The following ZDHHC11 variants were observed in gnomAD, a reference collection of about 807,000 sequenced individuals.
ZDHHC11 encodes the protein zDHHC palmitoyltransferase 11.
Under a neutral mutation model 51.3 loss-of-function variants are expected in ZDHHC11, and 44 were observed. The observed-to-expected ratio is 0.86, with a 90% CI of 0.67 to 1.10. The LOEUF (loss-of-function observed/expected upper bound fraction) is 1.10, where lower values mean the gene tolerates loss of function less well. Among genes scored for constraint, ZDHHC11 ranks in the 50% least tolerant of loss-of-function variants. The pLI is 0.00. For synonymous variants in ZDHHC11, 163 were observed against 222.0 expected (o/e 0.73, Z 2.36); for missense variants, 400 against 537.7 (o/e 0.74, Z 2.53).
chr5:796,794 C>T (rs1237718139), intron 12 of ZDHHC11, among the ~76,000 whole-genome samples: 49 of 152,204 alleles, frequency 3.2e-4, no homozygotes, highest in Non-Finnish European at 5.4e-4. Context: ...CTGCCCTCCC[C>T]ATCCTTCCAG....
At position 842,849 on chromosome 5, in the gene ZDHHC11, G is replaced by A. The variant is rs1316581550; in HGVS notation, c.628+751C>T. On this transcript the variant is annotated intron_variant, in intron 4 of 12. Transcript: ENST00000283441. ...AGCTCCTGTGGCTCCCGGCGACCCC[G>A]GGCTGTGGCTGTGTGACTCCACCCC... Among the ~76,000 whole-genome samples, 4 of 151,836 alleles carry A rather than the reference G, an allele frequency of 2.6e-5. No homozygotes were observed. In the East Asian group the frequency reaches 5.8e-4, roughly 22 times the overall value.
At chr5:801,717 G>C (rs778091548) in intron 11 of ZDHHC11, among the ~76,000 whole-genome samples, 5 of 151,408 alleles carry the variant, frequency 3.3e-5, no homozygotes, top group Middle Eastern at 3.4e-3. Context: ...CCCAGACTTT[G>C]CAGAGGGTTG....
chr5:837,556 A>C, intron 5 of ZDHHC11, 76 bp from the exon 6 acceptor site: 1 of 1,498,110 alleles, frequency 6.7e-7, no homozygotes, highest in Non-Finnish European at 9.3e-7. Flanking sequence ...ACAGCTCAGC[A>C]GAGTGGCCAG....
intron 11 of ZDHHC11, among the ~76,000 whole-genome samples, chr5:803,967 A>G (rs201394392): frequency 0.2 from 29,837 of 148,478 alleles, 4,385 homozygotes; most frequent in African/African-American, 0.4. Flanking sequence ...AAAAAAAAAA[A>G]GATTAAGGAA....
Position 814,800 on chromosome 5 carries a change from G to A in ZDHHC11, c.1147-5C>T, listed in dbSNP as rs191757590. On this transcript the variant is annotated splice_region_variant and splice_polypyrimidine_tract_variant and intron_variant, in intron 10 of 12. Transcript: ENST00000283441. ...ACTCGGGGCATCATCTGCTTCCTGT[G>A]GGGGGAAGGGATGCAAAATTCATAG... 4.5e-6 allele frequency: 7 copies of A among 1,539,078 alleles called. No individual in the cohort carries two copies. Among genetic ancestry groups the A allele is most frequent in the Non-Finnish European group, 6.1e-6 (7 of 1,143,654 alleles).
chr5:808,833 G>A (rs1739670098), intron 11 of ZDHHC11, among the ~76,000 whole-genome samples: 1 of 147,010 alleles, frequency 6.8e-6, no homozygotes, highest in Non-Finnish European at 1.5e-5. Context: ...GAGTAGCTGG[G>A]AGTACAGGTG....
chr5:840,650 T>C lies in ZDHHC11; in HGVS notation c.629A>G (p.Asp210Gly), dbSNP rs372315832. ...CAGCCACGTGTTCATATTCTTGACA[T>C]CTGGGGAGACAAGGGAGAGCCACTG... Reference protein sequence around the residue: ...GVLRTDPRYEDVKNMNTWLLF... With the variant: ...GVLRTDPRYEGVKNMNTWLLF... Residue 210 changes from aspartate to glycine, a missense_variant and splice_region_variant, in exon 5 of 13, where the codon GAT (aspartate) becomes GGT (glycine). Physicochemically the swap from Asp to Gly is moderately conservative, Grantham distance 94. Transcript: ENST00000283441. 7.3e-5 allele frequency: 118 copies of C among 1,613,592 alleles called. No individual in the cohort carries two copies. The highest frequency in any genetic ancestry group is 8.6e-5 in the Non-Finnish European group (102 of 1,179,856).
chr5:852,520 G>A (rs752394350), upstream of ZDHHC11, among the ~76,000 whole-genome samples: 10 of 152,148 alleles, frequency 6.6e-5, no homozygotes, highest in South Asian at 4.1e-4. Flanking sequence ...AACGAGCAGC[G>A]GGGACAGACT....
chr5:854,092 G>T (rs542239460), upstream of ZDHHC11, among the ~76,000 whole-genome samples: 3 of 145,472 alleles, frequency 2.1e-5, no homozygotes, highest in African/African-American at 7.7e-5. Context: ...GAGCCGGGGG[G>T]CACAGACCCC....
At chr5:859,844 C>A (rs552145762), upstream of ZDHHC11, among the ~76,000 whole-genome samples, 1 of 151,190 alleles carries the variant, frequency 6.6e-6, no homozygotes. Context: ...CAGTTCGTGT[C>A]GGTTGGGGGG....
upstream of ZDHHC11, among the ~76,000 whole-genome samples, chr5:854,329 A>G (rs537101286): frequency 5.9e-5 from 9 of 151,340 alleles, no homozygotes; most frequent in African/African-American, 1.9e-4. Flanking sequence ...GACAGAACCC[A>G]CAGAGGACAG....
rs770106700 is a variant in ZDHHC11 at position 837,387 on chromosome 5, T to C, written c.878A>G (p.Gln293Arg). 2.2e-5 allele frequency: 35 copies of C among 1,613,640 alleles called. No homozygotes were observed. The highest frequency in any genetic ancestry group is 6.8e-6 in the Non-Finnish European group (8 of 1,179,752). Reference sequence around the variant, plus strand: ...TACCTGGAGAACTCCTTTGTCCATTTGCACGTATGGATCTTTCCTCACTGC... The same window carrying C: ...TACCTGGAGAACTCCTTTGTCCATTCGCACGTATGGATCTTTCCTCACTGC... ...HQAVRKDPYV[Q>R]MDKGVLQQGA... Residue 293 changes from glutamine to arginine, a missense_variant, in exon 6 of 13, where the codon CAA becomes CGA. Physicochemically the swap from Gln to Arg is conservative, Grantham distance 43. Coordinates refer to ENST00000283441, the MANE Select transcript of ZDHHC11 (RefSeq NM_024786.3).
chr5:840,190 G>A (rs761718472), intron 5 of ZDHHC11: 1 of 683,162 alleles, frequency 1.5e-6, no homozygotes, highest in Admixed American at 2.1e-5. Context: ...CATTGTCTCT[G>A]AACATTTTAA....
intron 7 of ZDHHC11, among the ~76,000 whole-genome samples, chr5:832,188 G>C (rs1253498401): frequency 2.6e-5 from 3 of 116,518 alleles, no homozygotes. Context: ...ATTATTCTAA[G>C]TGAAGTAACT....
intron 11 of ZDHHC11, among the ~76,000 whole-genome samples, chr5:813,405 G>T (rs1400414867): frequency 2.8e-5 from 4 of 142,438 alleles, no homozygotes; most frequent in African/African-American, 1.1e-4. Context: ...GGCCAGCTGG[G>T]TGCACTCATC....
chr5:812,672 A>T (rs1740251447), intron 11 of ZDHHC11, among the ~76,000 whole-genome samples: 1 of 151,454 alleles, frequency 6.6e-6, no homozygotes, highest in African/African-American at 2.4e-5. Flanking sequence ...ATGCCCTTTG[A>T]CTTTTAAGTG....
intron 11 of ZDHHC11, among the ~76,000 whole-genome samples, chr5:809,546 A>G (rs1739813902): frequency 6.7e-6 from 1 of 149,660 alleles, no homozygotes; most frequent in African/African-American, 2.5e-5. Flanking sequence ...GGCTCTCATC[A>G]GACACCGGAT....
In ZDHHC11 at chr5:802,349, C is replaced by T. The variant is rs571401437; in HGVS notation, c.1182-1185G>A. ...AAAGGAGAACTGGGGTATCACCAAA[C>T]GAATCCAAAAATTACTGAGAATAAA... is the stretch of plus-strand genomic sequence containing the variant. On this transcript the variant is annotated intron_variant, in intron 11 of 12. Coordinates refer to ENST00000283441, the MANE Select transcript of ZDHHC11 (RefSeq NM_024786.3). 2.5e-3 allele frequency among the ~76,000 whole-genome samples: 381 copies of T among 151,026 alleles called. 9 individuals are homozygous for T. Among genetic ancestry groups the T allele is most frequent in the Middle Eastern group, 0.01 (3 of 294 alleles).
At chr5:798,486 A>G (rs1401603466) in intron 12 of ZDHHC11, among the ~76,000 whole-genome samples, 38 of 150,632 alleles carry the variant, frequency 2.5e-4, no homozygotes, top group African/African-American at 9.0e-4. Context: ...TTGCCACATG[A>G]CTAGAACCTC....
Sources: gnomAD v4.1 joint callset for allele counts (sites outside exome capture counted in the v4.1 genomes callset) on GRCh38, gnomAD v4.1.1 for gene constraint, MANE v1.5 for transcripts, NCBI Gene and HGNC (gene_info 2026-07-23, HGNC 2026-07-21) for gene names.